TMEM255B: variants seen among roughly 807,000 people sequenced by gnomAD.
TMEM255B encodes family with sequence similarity 70, member B.
A neutral mutation model predicts 34.5 loss-of-function variants in TMEM255B; 35 were observed. That is an observed-to-expected ratio of 1.01 (90% CI 0.77 to 1.34). The LOEUF (loss-of-function observed/expected upper bound fraction) is 1.34, where lower values mean the gene tolerates loss of function less well. Among genes scored for constraint, TMEM255B ranks in the 40% most tolerant of loss-of-function variants. TMEM255B has a pLI of 0.00. For missense variants in TMEM255B, 432 were observed against 433.2 expected, an observed-to-expected ratio of 1.00 and a Z score of 0.02; for synonymous variants, 206 against 201.2, an observed-to-expected ratio of 1.02 and a Z score of -0.20.
chr13:113,795,147 G>A lies in TMEM255B; in HGVS notation c.253-1G>A. On this transcript the variant is annotated splice_acceptor_variant, in intron 3 of 8. Coordinates refer to ENST00000375353, the MANE Select transcript of TMEM255B (RefSeq NM_182614.4). LOFTEE classifies it high-confidence loss of function. ...CACCCACACCTCTCCTTCTGTTGCAGCTGGTGGCAGCGATCGTGTTTATCA... is the reference window on the plus strand; with the variant it reads ...CACCCACACCTCTCCTTCTGTTGCAACTGGTGGCAGCGATCGTGTTTATCA... 1 of 1,613,904 alleles carries A rather than the reference G, an allele frequency of 6.2e-7. No individual in the cohort carries two copies. Among genetic ancestry groups the A allele is most frequent in the Non-Finnish European group, 8.5e-7 (1 of 1,179,950 alleles).
At chr13:113,775,187 AACCACAC>A (rs1411417700) in intron 3 of TMEM255B, among the ~76,000 whole-genome samples, 1 of 150,270 alleles carries the variant, frequency 6.7e-6, no homozygotes, top group East Asian at 2.0e-4. Flanking sequence ...ACACTACACA[AACCACAC>A]ACCACACATA....
intron 3 of TMEM255B, among the ~76,000 whole-genome samples, chr13:113,781,428 T>C (rs933223921): frequency 6.6e-6 from 1 of 152,264 alleles, no homozygotes; most frequent in African/African-American, 2.4e-5. Context: ...TGCCTCCTTA[T>C]AATCTTTTTA....
At position 113,766,109 on chromosome 13, in the gene TMEM255B, C is replaced by G. The variant is rs1448541026; in HGVS notation, c.47-6C>G. On this transcript the variant is annotated splice_polypyrimidine_tract_variant and splice_region_variant and intron_variant, in intron 1 of 8. Coordinates refer to ENST00000375353, the MANE Select transcript of TMEM255B (RefSeq NM_182614.4). ...CACTGACAGGTCCTCGCCTTCCTCCCCACAGAAGGGCTTTCGAGGAGGAAG... is the reference window on the plus strand; with the variant it reads ...CACTGACAGGTCCTCGCCTTCCTCCGCACAGAAGGGCTTTCGAGGAGGAAG... 3.1e-6 allele frequency: 5 copies of G among 1,614,056 alleles called. No homozygotes were observed. Among genetic ancestry groups the G allele is most frequent in the East Asian group, 2.2e-5 (1 of 44,878 alleles).
intron 1 of TMEM255B, among the ~76,000 whole-genome samples, chr13:113,760,509 TG>T (rs1338042390): frequency 1.3e-5 from 2 of 152,232 alleles, no homozygotes; most frequent in African/African-American, 4.8e-5. Flanking sequence ...TTGGTGTATC[TG>T]GGTAGGATTA....
At chr13:113,807,546 G>A (rs374867463) in intron 8 of TMEM255B, among the ~76,000 whole-genome samples, 37 of 127,804 alleles carry the variant, frequency 2.9e-4, no homozygotes, top group African/African-American at 1.0e-3. Context: ...GATGTGGGGG[G>A]TAGTCCTCCC....
intron 4 of TMEM255B, 73 bp from the exon 5 acceptor site, chr13:113,799,266 C>A: frequency 6.9e-7 from 1 of 1,457,760 alleles, no homozygotes; most frequent in Non-Finnish European, 9.5e-7. Context: ...GACCCACAGG[C>A]CTGAAATTGC....
At chr13:113,796,254 A>G (rs924435055) in intron 4 of TMEM255B, among the ~76,000 whole-genome samples, 2 of 150,244 alleles carry the variant, frequency 1.3e-5, no homozygotes, top group African/African-American at 4.9e-5. Context: ...CACACACCAC[A>G]GAGTACACAC....
chr13:113,786,245 C>T (rs1362340915), intron 3 of TMEM255B, among the ~76,000 whole-genome samples: 3 of 152,066 alleles, frequency 2.0e-5, no homozygotes, highest in African/African-American at 7.3e-5. Context: ...TCATTGCCAT[C>T]ATCACCATCC....
intron 8 of TMEM255B, among the ~76,000 whole-genome samples, chr13:113,809,030 G>C (rs1191408021): frequency 7.7e-6 from 1 of 129,470 alleles, no homozygotes; most frequent in Non-Finnish European, 1.6e-5. Flanking sequence ...GGTTTACTCT[G>C]TGGTTTTTGG....
chr13:113,800,342 T>TGTGTGTGTGTG (rs1236534768), intron 5 of TMEM255B, among the ~76,000 whole-genome samples: 9 of 134,810 alleles, frequency 6.7e-5, no homozygotes, highest in African/African-American at 1.1e-4. Context: ...TGTGTGTGTG[T>TGTGTGTGTGTG]TGGGGGGTGT....
Position 113,795,169 on chromosome 13 carries a change from A to G in TMEM255B, c.274A>G (p.Ile92Val). 6.2e-7 allele frequency: 1 copy of G among 1,613,992 alleles called. No homozygotes were observed. The highest frequency in any genetic ancestry group is 1.3e-5 in the African/African-American group (1 of 75,050). Reference protein sequence around the residue: ...RQMLVAAIVFISFGVVAAFCC... With the variant: ...RQMLVAAIVFVSFGVVAAFCC... ...GCAGCTGGTGGCAGCGATCGTGTTT[A>G]TCAGTTTTGGCGTGGTGGCCGCCTT... The change falls in exon 4 of 9, where the codon ATC (isoleucine) becomes GTC (valine). Residue 92 changes from isoleucine (I) to valine (V), a missense_variant. Physicochemically the swap from Ile to Val is conservative, Grantham distance 29 (BLOSUM62 3). Coordinates refer to ENST00000375353, the MANE Select transcript of TMEM255B (RefSeq NM_182614.4).
In TMEM255B at chr13:113,761,337, G is replaced by A. The variant is rs747304834; in HGVS notation, c.46+2022G>A. ...GGAAGAACCTGACCTCCAGCCTCGC[G>A]TGTCTTCCAGGTAGGACCTGGCGTG... On this transcript the variant is annotated intron_variant, in intron 1 of 8. Coordinates refer to ENST00000375353, the MANE Select transcript of TMEM255B (RefSeq NM_182614.4). The A allele has an allele frequency of 3.5e-5, 34 of 985,252 alleles. No homozygotes were observed. In the African/African-American group the frequency reaches 4.0e-4, roughly 12 times the overall value. 61.0% of individuals were successfully genotyped at this position (985,252 alleles called of 1,614,324 possible).
At position 113,769,267 on chromosome 13, in the gene TMEM255B, T is replaced by C; in HGVS notation, c.252+107T>C. ...CAGCCCTGCCTCCCCAGCACACTGG[T>C]GTCTACAGGACCAGCTCTGAGGTTC... is the stretch of plus-strand genomic sequence containing the variant. On this transcript the variant is annotated intron_variant, in intron 3 of 8. Transcript: ENST00000375353. This position sits in a 1 kb window ranked among gnomAD's most constrained non-coding sequence, Gnocchi z 4.2. 1 of 1,263,602 alleles carries C rather than the reference T, an allele frequency of 7.9e-7. No individual in the cohort carries two copies. Among genetic ancestry groups the C allele is most frequent in the Non-Finnish European group, 1.1e-6 (1 of 869,790 alleles). 78.3% of individuals were successfully genotyped at this position (1,263,602 alleles called of 1,614,324 possible).
chr13:113,779,176 G>A (rs2050629061), intron 3 of TMEM255B, among the ~76,000 whole-genome samples: 1 of 152,180 alleles, frequency 6.6e-6, no homozygotes, highest in African/African-American at 2.4e-5. Context: ...TTATGGTCAC[G>A]CTGATATTAG....
chr13:113,797,508 T>C (rs781214384), intron 4 of TMEM255B, among the ~76,000 whole-genome samples: 8 of 152,196 alleles, frequency 5.3e-5, no homozygotes, highest in Non-Finnish European at 8.8e-5. Flanking sequence ...TGGGGTGCAC[T>C]GCCCTCTCTC....
At position 113,782,671 on chromosome 13, in the gene TMEM255B, T is replaced by C. The variant is rs1217950011; in HGVS notation, c.253-12477T>C. Among the ~76,000 whole-genome samples the C allele has an allele frequency of 5.5e-5, 5 of 91,330 alleles. No homozygotes were observed. In the East Asian group the frequency reaches 4.0e-3, roughly 74 times the overall value. 59.9% of individuals were successfully genotyped at this position (91,330 alleles called of 152,430 possible). On this transcript the variant is annotated intron_variant, in intron 3 of 8. Transcript: ENST00000375353. ...GCGATGAGATTTCCTCCTGTGATGGTCGGAGGGGGGGGCTTCATTATGAGC... is the reference window on the plus strand; with the variant it reads ...GCGATGAGATTTCCTCCTGTGATGGCCGGAGGGGGGGGCTTCATTATGAGC...
chr13:113,796,752 G>C (rs2050948870), intron 4 of TMEM255B, among the ~76,000 whole-genome samples: 1 of 152,206 alleles, frequency 6.6e-6, no homozygotes, highest in Non-Finnish European at 1.5e-5. Flanking sequence ...CAGCCGAATT[G>C]CTTGTCATGA....
intron 5 of TMEM255B, chr13:113,799,927 G>T: frequency 7.8e-7 from 1 of 1,284,690 alleles, no homozygotes; most frequent in South Asian, 1.2e-5. Flanking sequence ...CACCTGCCCT[G>T]TGTGGATTCC....
intron 8 of TMEM255B, among the ~76,000 whole-genome samples, chr13:113,807,382 G>A (rs2051195856): frequency 6.8e-6 from 1 of 147,040 alleles, no homozygotes; most frequent in African/African-American, 2.6e-5. Context: ...GGGATGTGGG[G>A]GTGGTCCTCC....
Sources: allele counts gnomAD v4.1 joint callset (sites outside exome capture counted in the v4.1 genomes callset), GRCh38; gene constraint gnomAD v4.1.1; non-coding constraint Gnocchi (gnomAD v3.1); transcripts MANE v1.5; gene names NCBI Gene and HGNC (gene_info 2026-07-23, HGNC 2026-07-21).